The following KRT34 variants were observed in gnomAD, a reference collection of about 807,000 sequenced individuals.
KRT34 encodes the protein keratin 34.
In KRT34, 31 loss-of-function variants were observed where a neutral mutation model predicts 41.7. That is an observed-to-expected ratio of 0.74 (90% CI 0.56 to 1.00). The LOEUF (loss-of-function observed/expected upper bound fraction) is 1.00, where lower values mean the gene tolerates loss of function less well. Ranked by LOEUF, KRT34 falls within the 50% of genes least tolerant of loss-of-function variation. The pLI is 0.00. For missense variants in KRT34, 523 were observed against 500.3 expected (o/e 1.05, Z -0.43); for synonymous variants, 224 against 212.9 (o/e 1.05, Z -0.45).
Position 41,381,200 on chromosome 17 carries a change from C to A in KRT34, c.444G>T (p.Glu148Asp). 1 of 1,614,150 alleles carries A rather than the reference C, an allele frequency of 6.2e-7. No homozygotes were observed. The highest frequency in any genetic ancestry group is 1.6e-4 in the Middle Eastern group (1 of 6,062). ...ACTCCACCAACAGCCTCAGGGACTG[C>A]TCCGTCTGGTACCTGCACGTGTCGG... Reference protein sequence around the residue: ...SDDFRSKYQTEQSLRLLVESD... With the variant: ...SDDFRSKYQTDQSLRLLVESD... Residue 148 changes from glutamate to aspartate, a missense_variant, in exon 3 of 7, where the codon GAG becomes GAT. Coordinates refer to ENST00000394001, the MANE Select transcript of KRT34 (RefSeq NM_001386014.1).
chr17:41,382,406 T>C, upstream of KRT34: 2 of 1,547,514 alleles, frequency 1.3e-6, no homozygotes, highest in Non-Finnish European at 1.8e-6. Context: ...CTAATTTTTC[T>C]CCAAAATATG....
intron 3 of KRT34, 53 bp from the exon 4 acceptor site, chr17:41,379,784 C>G (rs369234151): frequency 1.3e-6 from 2 of 1,536,184 alleles, no homozygotes. Flanking sequence ...TGCCATTTTC[C>G]TGCTCCAGGG....
Position 41,381,694 on chromosome 17 carries a change from A to T in KRT34, c.431+19T>A, listed in dbSNP as rs181152719. The T allele has an allele frequency of 7.4e-4, 1,198 of 1,608,896 alleles. 3 individuals carry two copies. In the African/African-American group the frequency reaches 0.014, roughly 19 times the overall value. On this transcript the variant is annotated intron_variant, in intron 2 of 6. Coordinates refer to ENST00000394001, the MANE Select transcript of KRT34 (RefSeq NM_001386014.1). ...CTAGGGCCATGAAAGAACCATAGGGACCTTGAAGTTCAACATACTTGCTTC... is the reference window on the plus strand; with the variant it reads ...CTAGGGCCATGAAAGAACCATAGGGTCCTTGAAGTTCAACATACTTGCTTC...
chr17:41,377,768 A>T lies in KRT34; in HGVS notation c.*291T>A, dbSNP rs1156811997. On this transcript the variant is annotated 3_prime_UTR_variant, in exon 7 of 7. Coordinates refer to ENST00000394001, the MANE Select transcript of KRT34 (RefSeq NM_001386014.1). Reference sequence around the variant, plus strand: ...AAAGGAAAACAGGAAATGCAGTAGTACGTTCAGGAAACACCTTAAGTAGTA... The same window carrying T: ...AAAGGAAAACAGGAAATGCAGTAGTTCGTTCAGGAAACACCTTAAGTAGTA... The T allele has an allele frequency of 2.6e-6, 1 of 379,778 alleles. No homozygotes were observed. Among genetic ancestry groups the T allele is most frequent in the East Asian group, 3.8e-5 (1 of 26,218 alleles). The allele number at this position is 379,778 out of a possible 1,614,324, so 23.5% of individuals were successfully genotyped here. A position where few individuals can be genotyped will look rare whatever the true frequency, so the allele number is the denominator to read the frequency against.
At chr17:41,381,008 T>G (rs772734173) in intron 3 of KRT34, 48 bp downstream of exon 3, 1 of 1,571,494 alleles carries the variant, frequency 6.4e-7, no homozygotes, top group Non-Finnish European at 8.8e-7. Context: ...TGATTCCCAG[T>G]GCTAGTAGCT....
Position 41,378,968 on chromosome 17 carries a change from C to T in KRT34, c.1085G>A (p.Ser362Asn). ...GCCCCATACTCACTTGCAGTCCTCA[C>T]TCTCCAGGAGGCTCCGGTACGTGTT... Reference protein sequence around the residue: ...EINTYRSLLESEDCKLPCNPC... With the variant: ...EINTYRSLLENEDCKLPCNPC... The change falls in exon 6 of 7, where the codon AGT becomes AAT. Residue 362 changes from serine to asparagine, a missense_variant. Transcript: ENST00000394001. The T allele has an allele frequency of 1.2e-6, 2 of 1,614,206 alleles. No individual in the cohort carries two copies. The highest frequency in any genetic ancestry group is 1.7e-6 in the Non-Finnish European group (2 of 1,180,028).
chr17:41,380,568 C>T (rs1007059857), intron 3 of KRT34, among the ~76,000 whole-genome samples: 13 of 149,724 alleles, frequency 8.7e-5, no homozygotes, highest in African/African-American at 3.0e-4. Context: ...TACTGGAATC[C>T]TCCTCTTTGC....
upstream of KRT34, chr17:41,382,364 AT>A (rs2018013307): frequency 6.8e-6 from 11 of 1,610,416 alleles, no homozygotes; most frequent in Non-Finnish European, 8.5e-6. Context: ...GGGGCTTGGC[AT>A]ACAGCATAGT....
At chr17:41,382,340 A>G (rs759940676), upstream of KRT34, 1 of 1,612,714 alleles carries the variant, frequency 6.2e-7, no homozygotes. Flanking sequence ...CTTTTATACC[A>G]TTAATTGTGG....
intron 3 of KRT34, 82 bp downstream of exon 3, chr17:41,380,974 G>T: frequency 7.3e-7 from 1 of 1,369,506 alleles, no homozygotes. Flanking sequence ...TCCCAGACCA[G>T]GGATCCAGAC....
chr17:41,382,231 A>C lies in KRT34; in HGVS notation c.16T>G (p.Cys6Gly). MSYSC[C>G]LPSLGCRTSC... Reference sequence around the variant, plus strand: ...GTGCGGCAGCCCAGGCTGGGCAGGCAACAACTGTAAGACATGGTGCTGGAA... The same window carrying C: ...GTGCGGCAGCCCAGGCTGGGCAGGCCACAACTGTAAGACATGGTGCTGGAA... Residue 6 changes from cysteine (C) to glycine (G), a missense_variant, in exon 1 of 7, where the codon TGC (cysteine) becomes GGC (glycine). Transcript: ENST00000394001. 6.2e-7 allele frequency: 1 copy of C among 1,612,670 alleles called. No individual in the cohort carries two copies. The highest frequency in any genetic ancestry group is 8.5e-7 in the Non-Finnish European group (1 of 1,180,030).
Position 41,378,093 on chromosome 17 carries a change from G to T in KRT34, c.1151C>A (p.Pro384His). Residue 384 changes from proline (P) to histidine (H), a missense_variant, in exon 7 of 7, where the codon CCC becomes CAC. Physicochemically the swap from Pro to His is moderately conservative, Grantham distance 77. Transcript: ENST00000394001. ...GCAACCCTTTTGAGAGGTGCCACAG[G>T]GTCCACAGGAGTTGCCACTAGCATT... ...TTNASGNSCGPCGTSQKGCCN is the reference protein window; with the variant it reads ...TTNASGNSCGHCGTSQKGCCN 2 of 1,613,958 alleles carry T rather than the reference G, an allele frequency of 1.2e-6. No homozygotes were observed. Among genetic ancestry groups the T allele is most frequent in the South Asian group, 1.1e-5 (1 of 91,042 alleles).
chr17:41,378,622 C>G (rs1457820264), intron 6 of KRT34, among the ~76,000 whole-genome samples: 1 of 152,194 alleles, frequency 6.6e-6, no homozygotes, highest in Non-Finnish European at 1.5e-5. Flanking sequence ...ACCCTTCTCT[C>G]TCTCCCAGAA....
Position 41,377,962 on chromosome 17 carries a change from G to T in KRT34, c.*97C>A. On this transcript the variant is annotated 3_prime_UTR_variant, in exon 7 of 7. Coordinates refer to ENST00000394001, the MANE Select transcript of KRT34 (RefSeq NM_001386014.1). ...ACATAGAGGCAAGATGAGGTTTCTTGATGTCAGCTGAGCTCCAGAAAAGTC... is the reference window on the plus strand; with the variant it reads ...ACATAGAGGCAAGATGAGGTTTCTTTATGTCAGCTGAGCTCCAGAAAAGTC... 1.2e-6 allele frequency: 1 copy of T among 839,136 alleles called. No individual in the cohort carries two copies. The highest frequency in any genetic ancestry group is 2.0e-6 in the Non-Finnish European group (1 of 500,536). 52.0% of individuals were successfully genotyped at this position (839,136 alleles called of 1,614,324 possible). A position where few individuals can be genotyped will look rare whatever the true frequency, so the allele number is the denominator to read the frequency against.
chr17:41,383,515 G>GA (rs1187612515), upstream of KRT34, among the ~76,000 whole-genome samples: 3 of 152,098 alleles, frequency 2.0e-5, no homozygotes, highest in Non-Finnish European at 4.4e-5. Flanking sequence ...ATATCTAGAA[G>GA]AAAAAATATG....
chr17:41,379,377 G>A lies in KRT34; in HGVS notation c.852C>T (p.Ile284=), dbSNP rs768077849. The A allele has an allele frequency of 1.1e-5, 17 of 1,613,164 alleles. No homozygotes were observed. Among genetic ancestry groups the A allele is most frequent in the Middle Eastern group, 1.9e-4 (1 of 5,334 alleles). The change falls in exon 5 of 7, where the codon ATC becomes ATT. Residue 284 remains isoleucine, a synonymous_variant. Transcript: ENST00000394001. ...ELRRTVNALE[I]ELQAQHNLRD... ...CCAGGTTGTGCTGGGCCTGCAGCTC[G>A]ATCTCCAGGGCGTTGACTGTGCGTC...
Position 41,379,815 on chromosome 17 carries a change from A to G in KRT34, c.589-84T>C, listed in dbSNP as rs939173039. The G allele has an allele frequency of 5.9e-6, 8 of 1,356,862 alleles. No homozygotes were observed. In the African/African-American group the frequency reaches 1.0e-4, roughly 17 times the overall value. The allele number at this position is 1,356,862 out of a possible 1,614,324, so 84.1% of individuals were successfully genotyped here. A position where few individuals can be genotyped will look rare whatever the true frequency, so the allele number is the denominator to read the frequency against. ...CAGGGAAATGAGCACAATACTGCCCAAAAAGCACTAAAAGGAATATTCTGA... is the reference window on the plus strand; with the variant it reads ...CAGGGAAATGAGCACAATACTGCCCGAAAAGCACTAAAAGGAATATTCTGA... On this transcript the variant is annotated intron_variant, in intron 3 of 6. Transcript: ENST00000394001.
At position 41,379,493 on chromosome 17, in the gene KRT34, T is replaced by A; in HGVS notation, c.751-15A>T. On this transcript the variant is annotated splice_polypyrimidine_tract_variant and intron_variant, in intron 4 of 6. Transcript: ENST00000394001. ...AGCTCCTCGGTCTGAAACACCCAAG[T>A]GGGGAAAGGATCAGACCCTGTCTCC... 1.9e-6 allele frequency: 3 copies of A among 1,614,188 alleles called. No homozygotes were observed. Among genetic ancestry groups the A allele is most frequent in the Non-Finnish European group, 2.5e-6 (3 of 1,180,026 alleles).
In KRT34 at chr17:41,381,725, T is replaced by C. The variant is rs1476061435; in HGVS notation, c.419A>G (p.Asp140Gly). The stretch of plus-strand genomic sequence containing the variant: ...AAGTTCAACATACTTGCTTCTGAAG[T>C]CGTCAGAGGCCAGCTTGGCATTGTC... The part of the protein sequence containing the change: ...NIDNAKLASD[D>G]FRSKYQTEQS... Residue 140 changes from aspartate to glycine, a missense_variant, in exon 2 of 7, where the codon GAC (aspartate) becomes GGC (glycine). Coordinates refer to ENST00000394001, the MANE Select transcript of KRT34 (RefSeq NM_001386014.1). 6.2e-7 allele frequency: 1 copy of C among 1,614,116 alleles called. No homozygotes were observed. Among genetic ancestry groups the C allele is most frequent in the South Asian group, 1.1e-5 (1 of 91,078 alleles).
Sources: gnomAD v4.1 joint callset for allele counts (sites outside exome capture counted in the v4.1 genomes callset) on GRCh38, gnomAD v4.1.1 for gene constraint, MANE v1.5 for transcripts, NCBI Gene and HGNC (gene_info 2026-07-23, HGNC 2026-07-21) for gene names.